Variants in METTL4 observed in about 807,000 individuals in gnomAD.
The protein encoded by METTL4 is methyltransferase 4, N6-adenosine, also known as N(6)-adenine-specific methyltransferase METTL4.
METTL4 carries 40 observed loss-of-function variants against 54.0 expected under a neutral mutation model. The ratio of observed to expected loss-of-function variants is 0.74; its 90% CI spans 0.58 to 0.96. The LOEUF is 0.96. Ranked by LOEUF, METTL4 falls within the 50% of genes least tolerant of loss-of-function variation. The pLI, the probability that METTL4 is intolerant of heterozygous loss-of-function variation, is 0.00. For missense variants in METTL4, 525 were observed against 549.0 expected, an observed-to-expected ratio of 0.96 and a Z score of 0.44; for synonymous variants, 169 against 183.8, an observed-to-expected ratio of 0.92 and a Z score of 0.65.
At chr18:2,558,703 C>G (rs1322084150) in intron 3 of METTL4, among the ~76,000 whole-genome samples, 1 of 151,852 alleles carries the variant, frequency 6.6e-6, no homozygotes, top group African/African-American at 2.4e-5. Context: ...AAAGCTTGTT[C>G]TTTGAATATT....
At position 2,544,182 on chromosome 18, in the gene METTL4, T is replaced by C. The variant is rs964963171; in HGVS notation, c.1273+13A>G. The C allele has an allele frequency of 4.4e-6, 7 of 1,579,634 alleles. No individual in the cohort carries two copies. The Admixed American group carries it at 5.7e-5, about 13-fold the overall frequency. ...GACAAAAGTGATAACAATTCTATTTTATAAAAACATACCAGCAAGCGGTGG... is the reference window on the plus strand; with the variant it reads ...GACAAAAGTGATAACAATTCTATTTCATAAAAACATACCAGCAAGCGGTGG... On this transcript the variant is annotated intron_variant, in intron 8 of 8. Transcript: ENST00000574538.
Position 2,547,355 on chromosome 18 carries a change from T to C in METTL4, c.1074A>G (p.Lys358=), listed in dbSNP as rs780998534. The C allele has an allele frequency of 6.4e-7, 1 of 1,561,518 alleles. No individual in the cohort carries two copies. The highest frequency in any genetic ancestry group is 2.1e-5 in the Admixed American group (1 of 48,508). The change falls in exon 6 of 9, where the codon AAA becomes AAG. Residue 358 remains lysine (K), a splice_region_variant and synonymous_variant. Transcript: ENST00000574538. ...VEVVAEWHWV[K]ITNSGEFVFP... ...CAAATAAGCTAACTTCTGAACTTAC[T>C]TTTACCCAGTGCCACTCAGCAACTA... is the stretch of plus-strand genomic sequence containing the variant.
At chr18:2,558,824 G>A (rs1052501011) in intron 3 of METTL4, among the ~76,000 whole-genome samples, 1 of 152,006 alleles carries the variant, frequency 6.6e-6, no homozygotes, top group Non-Finnish European at 1.5e-5. Flanking sequence ...GATACAAACA[G>A]ACATTTCTCT....
chr18:2,541,063 C>T (rs2071986676), intron 8 of METTL4, among the ~76,000 whole-genome samples: 1 of 152,126 alleles, frequency 6.6e-6, no homozygotes, highest in Non-Finnish European at 1.5e-5. Context: ...TTACTGCCAT[C>T]CTATTTTCTC....
At chr18:2,555,163 G>A in intron 3 of METTL4, 125 bp from the exon 4 acceptor site, 1 of 998,562 alleles carries the variant, frequency 1.0e-6, no homozygotes, top group Non-Finnish European at 1.5e-6. Flanking sequence ...AAATAATTCT[G>A]TACTACAATG....
chr18:2,557,462 G>T (rs2072255623), intron 3 of METTL4, among the ~76,000 whole-genome samples: 1 of 152,174 alleles, frequency 6.6e-6, no homozygotes, highest in South Asian at 2.1e-4. Context: ...GACAGCTTTT[G>T]TTCCAGAAAA....
intron 8 of METTL4, among the ~76,000 whole-genome samples, chr18:2,541,418 C>T (rs977372476): frequency 6.6e-6 from 1 of 152,134 alleles, no homozygotes; most frequent in Non-Finnish European, 1.5e-5. Flanking sequence ...AGAAGTGGCC[C>T]AAACATCAGT....
chr18:2,568,915 A>G (rs980301408), intron 1 of METTL4: 3 of 228,800 alleles, frequency 1.3e-5, no homozygotes, highest in Non-Finnish European at 2.7e-5. Flanking sequence ...GGACCTAAAT[A>G]CCCAGCAGCA....
At chr18:2,539,705 C>T in intron 8 of METTL4, 1 of 371,652 alleles carries the variant, frequency 2.7e-6, no homozygotes, top group Non-Finnish European at 3.7e-6. Flanking sequence ...TGGTCTCGAA[C>T]TCCTGACCTC....
rs534722092 is a variant in METTL4, at chr18:2,566,758, T to A, written c.396+63A>T. 342 of 1,306,358 alleles carry A rather than the reference T, an allele frequency of 2.6e-4. No homozygotes were observed. In the Middle Eastern group the frequency reaches 2.8e-3, roughly 11 times the overall value. 80.9% of individuals were successfully genotyped at this position (1,306,358 alleles called of 1,614,324 possible). A position where few individuals can be genotyped will look rare whatever the true frequency, so the allele number is the denominator to read the frequency against. ...AACGAATCACCAGATATTTAAGACATTTAGATAATAAATCTCAATTATGTT... is the reference window on the plus strand; with the variant it reads ...AACGAATCACCAGATATTTAAGACAATTAGATAATAAATCTCAATTATGTT... On this transcript the variant is annotated intron_variant, in intron 2 of 8. Transcript: ENST00000574538.
At chr18:2,548,200 C>G (rs2072100793) in intron 5 of METTL4, among the ~76,000 whole-genome samples, 1 of 152,114 alleles carries the variant, frequency 6.6e-6, no homozygotes, top group Non-Finnish European at 1.5e-5. Flanking sequence ...TAATCTTGTA[C>G]CTCCTGGCCA....
chr18:2,541,924 A>G (rs920538997), intron 8 of METTL4, among the ~76,000 whole-genome samples: 2 of 152,198 alleles, frequency 1.3e-5, no homozygotes, highest in African/African-American at 2.4e-5. Flanking sequence ...CAGAAATCTG[A>G]GAGATGCTTT....
At position 2,544,122 on chromosome 18, in the gene METTL4, G is replaced by T. The variant is rs879580786; in HGVS notation, c.1273+73C>A. 8 of 1,184,982 alleles carry T rather than the reference G, an allele frequency of 6.8e-6. No homozygotes were observed. In the Admixed American group the frequency reaches 1.8e-4, roughly 26 times the overall value. The allele number at this position is 1,184,982 out of a possible 1,614,324, so 73.4% of individuals were successfully genotyped here. A position where few individuals can be genotyped will look rare whatever the true frequency, so the allele number is the denominator to read the frequency against. On this transcript the variant is annotated intron_variant, in intron 8 of 8. Transcript: ENST00000574538. ...GACTTAATTTCCGAATCTGTAGGCCGTTTAAATACTAAATGTACACTTTTT... is the reference window on the plus strand; with the variant it reads ...GACTTAATTTCCGAATCTGTAGGCCTTTTAAATACTAAATGTACACTTTTT...
chr18:2,540,427 T>A, intron 8 of METTL4: 4 of 983,284 alleles, frequency 4.1e-6, no homozygotes, highest in Non-Finnish European at 4.8e-6. Flanking sequence ...CAGGTAAGGT[T>A]TAAAAGAGAA....
At chr18:2,554,488 T>G in intron 4 of METTL4, 181 bp downstream of exon 4, 2 of 560,350 alleles carry the variant, frequency 3.6e-6, no homozygotes. Context: ...CAATATTTAT[T>G]TTTTTAAAAA....
rs751251906 is a variant in METTL4, at chr18:2,544,924, T to TA, written c.1075-166dup. On this transcript the variant is annotated intron_variant, in intron 6 of 8. Transcript: ENST00000574538. ...TTTCTAATAGAAACACCAAAAGAAG[T>TA]AAAAAAAAAAATGCAATGAAATCAA... Among the ~76,000 whole-genome samples the TA allele has an allele frequency of 7.8e-3, 1,137 of 146,230 alleles. 8 individuals carry two copies. Among genetic ancestry groups the TA allele is most frequent in the Non-Finnish European group, 0.013 (842 of 66,014 alleles).
chr18:2,554,548 G>A (rs2072208132), intron 4 of METTL4, 121 bp downstream of exon 4: 1 of 866,226 alleles, frequency 1.2e-6, no homozygotes, highest in Non-Finnish European at 1.8e-6. Flanking sequence ...AATAACCCAA[G>A]GAAAAGTGTC....
intron 2 of METTL4, among the ~76,000 whole-genome samples, chr18:2,565,120 A>T (rs1330106612): frequency 6.6e-6 from 1 of 152,152 alleles, no homozygotes; most frequent in South Asian, 2.1e-4. Context: ...TCTACTAAAA[A>T]TACAAAAAAT....
intron 3 of METTL4, 31 bp downstream of exon 3, chr18:2,563,766 C>T (rs2072358737): frequency 6.7e-7 from 1 of 1,483,418 alleles, no homozygotes; most frequent in African/African-American, 1.4e-5. Flanking sequence ...CATTAATCTT[C>T]CAATGTGATC....
Sources: allele counts gnomAD v4.1 joint callset (sites outside exome capture counted in the v4.1 genomes callset), GRCh38; gene constraint gnomAD v4.1.1; transcripts MANE v1.5; gene names NCBI Gene and HGNC (gene_info 2026-07-23, HGNC 2026-07-21).